RORA: variants seen among roughly 807,000 people sequenced by gnomAD.
The protein encoded by RORA is RAR related orphan receptor A.
RORA carries 7 observed loss-of-function variants against 69.5 expected under a neutral mutation model. That is an observed-to-expected ratio of 0.10 (90% CI 0.06 to 0.19). The LOEUF (loss-of-function observed/expected upper bound fraction) is 0.19. Ranked by LOEUF, RORA falls within the 10% of genes least tolerant of loss-of-function variation. The pLI, the probability that RORA is intolerant of heterozygous loss-of-function variation, is 1.00. For missense variants in RORA, 457 were observed against 663.0 expected (o/e 0.69, Z 3.41); for synonymous variants, 261 against 240.8 (o/e 1.08, Z -0.78).
chr15:60,672,264 G>C (rs1435878947), intron 2 of RORA, among the ~76,000 whole-genome samples: 1 of 152,176 alleles, frequency 6.6e-6, no homozygotes, highest in Non-Finnish European at 1.5e-5. Flanking sequence ...TCAATTGTAA[G>C]AATGACTATG....
rs34008494 is a variant in RORA, at chr15:61,024,270, C to CTTTTTTT, written c.166+204776_166+204782dup. Among the ~76,000 whole-genome samples, 12 of 79,394 alleles carry CTTTTTTT rather than the reference C, an allele frequency of 1.5e-4. 1 individual carries two copies. The highest frequency in any genetic ancestry group is 2.0e-4 in the Non-Finnish European group (9 of 44,430). 52.1% of individuals were successfully genotyped at this position (79,394 alleles called of 152,430 possible). ...GAAAAAGCAGAACTTTCTTGGATCT[C>CTTTTTTT]TTTTTTTTTTTTTTTTTTTTTTTTG... On this transcript the variant is annotated intron_variant, in intron 1 of 10. Transcript: ENST00000335670.
chr15:60,860,317 T>C (rs1444207563), intron 1 of RORA, among the ~76,000 whole-genome samples: 1 of 152,216 alleles, frequency 6.6e-6, no homozygotes, highest in Non-Finnish European at 1.5e-5. Context: ...AGCAGATGCA[T>C]AATTTTCTCA....
At chr15:60,851,039 G>A (rs1439272016) in intron 1 of RORA, among the ~76,000 whole-genome samples, 1 of 152,136 alleles carries the variant, frequency 6.6e-6, no homozygotes. Flanking sequence ...TGAAGATGCA[G>A]TACAAACAAA....
At chr15:60,708,122 C>T (rs1041986290) in intron 1 of RORA, among the ~76,000 whole-genome samples, 12 of 152,110 alleles carry the variant, frequency 7.9e-5, no homozygotes, top group Admixed American at 3.3e-4. Flanking sequence ...TCCTTTGAAC[C>T]GCTCCCTAGC....
intron 1 of RORA, among the ~76,000 whole-genome samples, chr15:60,772,559 C>G (rs2072094329): frequency 6.6e-6 from 1 of 152,200 alleles, no homozygotes; most frequent in South Asian, 2.1e-4. Flanking sequence ...GGTACCCACA[C>G]CTACCTTGTG....
intron 1 of RORA, among the ~76,000 whole-genome samples, chr15:60,912,409 G>C (rs1348004972): frequency 1.3e-5 from 2 of 150,426 alleles, no homozygotes; most frequent in African/African-American, 4.9e-5. Context: ...CTGGGCAATA[G>C]AGGGAGACCA....
At position 60,678,637 on chromosome 15, in the gene RORA, AAAAAAAATGCATT is replaced by A; in HGVS notation, c.196+7_196+19del. ...CAACTCTTCAGAAAACTTTGGACAGAAAAAAAATGCATTACTTACATGTATGTGTCTTCTTCGT... is the reference window on the plus strand; with the variant it reads ...CAACTCTTCAGAAAACTTTGGACAGAACTTACATGTATGTGTCTTCTTCGT... On this transcript the variant is annotated splice_region_variant and intron_variant, in intron 2 of 10. Coordinates refer to ENST00000335670, the MANE Select transcript of RORA (RefSeq NM_134261.3). 1 of 1,587,456 alleles carries A rather than the reference AAAAAAAATGCATT, an allele frequency of 6.3e-7. No homozygotes were observed. Among genetic ancestry groups the A allele is most frequent in the Non-Finnish European group, 8.6e-7 (1 of 1,156,828 alleles).
chr15:61,184,576 G>A (rs1241024341), intron 1 of RORA, among the ~76,000 whole-genome samples: 1 of 152,134 alleles, frequency 6.6e-6, no homozygotes, highest in Admixed American at 6.5e-5. Context: ...ACTATCACAG[G>A]AGCTCCTTGA....
chr15:61,178,677 AG>A (rs1292332954), intron 1 of RORA, among the ~76,000 whole-genome samples: 3 of 152,184 alleles, frequency 2.0e-5, no homozygotes, highest in Non-Finnish European at 4.4e-5. Flanking sequence ...CTCTATGTGA[AG>A]AAACAAAAAA....
chr15:60,511,516 C>T lies in RORA; in HGVS notation c.530G>A (p.Gly177Glu), dbSNP rs1285939835. The change falls in exon 5 of 11, where the codon GGA (glycine) becomes GAA (glutamate). Residue 177 changes from glycine to glutamate, a missense_variant. Gly to Glu is a moderately conservative substitution (Grantham distance 98, BLOSUM62 -2). Transcript: ENST00000335670. The surrounding 1 kb of genome is among the most constrained non-coding windows in gnomAD (Gnocchi z 6.4). ...GGTGGGCGTCAGCGGCTCAGCCTCT[C>T]CAGGCTGCTGCTGGTGGTCGCGCTG... ...QQQRDHQQQP[G>E]EAEPLTPTYN... 6.2e-7 allele frequency: 1 copy of T among 1,614,176 alleles called. No individual in the cohort carries two copies. Among genetic ancestry groups the T allele is most frequent in the Non-Finnish European group, 8.5e-7 (1 of 1,180,016 alleles).
intron 1 of RORA, among the ~76,000 whole-genome samples, chr15:61,139,960 A>G (rs1365123257): frequency 6.6e-6 from 1 of 151,720 alleles, no homozygotes; most frequent in Non-Finnish European, 1.5e-5. Flanking sequence ...CTCTCACACC[A>G]GAAAAGTTCT....
At chr15:60,571,208 A>C (rs28372148) in intron 2 of RORA, among the ~76,000 whole-genome samples, 6,545 of 152,038 alleles carry the variant, frequency 0.043, 475 homozygotes, top group African/African-American at 0.15. Flanking sequence ...AGACCACAGC[A>C]AACAACAAGG....
rs188274823 is a variant in RORA at position 60,690,700 on chromosome 15, G to A, written c.167-12014C>T. 4.4e-3 allele frequency among the ~76,000 whole-genome samples: 671 copies of A among 152,300 alleles called. 4 individuals carry two copies. Among genetic ancestry groups the A allele is most frequent in the African/African-American group, 0.016 (645 of 41,552 alleles). On this transcript the variant is annotated intron_variant, in intron 1 of 10. Transcript: ENST00000335670. ...AGAAATTGTACCTTTCCCTGAAAAA[G>A]GACAGCAAACTGGGACTCAGAGGGA... is the stretch of plus-strand genomic sequence containing the variant.
intron 2 of RORA, among the ~76,000 whole-genome samples, chr15:60,597,142 A>C (rs1444454342): frequency 6.6e-6 from 1 of 152,212 alleles, no homozygotes; most frequent in Non-Finnish European, 1.5e-5. Flanking sequence ...AACAGTTGAT[A>C]GATGACTGCA....
chr15:60,765,353 C>G (rs2071971227), intron 1 of RORA: 1 of 152,054 alleles, frequency 6.6e-6, no homozygotes. Flanking sequence ...AACTCAGAAT[C>G]ATGGTCTTTC....
chr15:60,840,976 G>C (rs1475713184), intron 1 of RORA: 1 of 393,340 alleles, frequency 2.5e-6, no homozygotes, highest in African/African-American at 2.2e-5. Context: ...GGGGAGGGAG[G>C]GTAGCGACAA....
At chr15:60,880,894 T>G (rs905976525) in intron 1 of RORA, among the ~76,000 whole-genome samples, 1 of 152,174 alleles carries the variant, frequency 6.6e-6, no homozygotes, top group Non-Finnish European at 1.5e-5. Context: ...AGGGTATGCC[T>G]TGCTTTAAAG....
chr15:60,816,584 T>C (rs1483975482), intron 1 of RORA, among the ~76,000 whole-genome samples: 6 of 145,496 alleles, frequency 4.1e-5, no homozygotes, highest in Non-Finnish European at 9.0e-5. Context: ...TTATATACTG[T>C]AAACAGTATA....
chr15:61,200,321 T>A (rs952528425), intron 1 of RORA, among the ~76,000 whole-genome samples: 6 of 152,092 alleles, frequency 3.9e-5, no homozygotes, highest in African/African-American at 1.4e-4. Flanking sequence ...GGACCCTGCC[T>A]TTCAGGGTGT....
Sources: allele counts gnomAD v4.1 joint callset (sites outside exome capture counted in the v4.1 genomes callset), GRCh38; gene constraint gnomAD v4.1.1; non-coding constraint Gnocchi (gnomAD v3.1); transcripts MANE v1.5; gene names NCBI Gene and HGNC (gene_info 2026-07-23, HGNC 2026-07-21).